The following CPNE4 variants were observed in gnomAD, a reference collection of about 807,000 sequenced individuals.
The protein encoded by CPNE4 is copine-4.
In CPNE4, 25 loss-of-function variants were observed where a neutral mutation model predicts 67.9. That is an observed-to-expected ratio of 0.37 (90% CI 0.27 to 0.51). The LOEUF is 0.51. Among genes scored for constraint, CPNE4 ranks in the 20% least tolerant of loss-of-function variants. The pLI is 0.93. For synonymous variants in CPNE4, 242 were observed against 244.9 expected, an observed-to-expected ratio of 0.99 and a Z score of 0.11; for missense variants, 464 against 690.8, an observed-to-expected ratio of 0.67 and a Z score of 3.68.
intron 7 of CPNE4, among the ~76,000 whole-genome samples, chr3:131,654,414 G>A (rs1028240083): frequency 6.6e-6 from 1 of 151,878 alleles, no homozygotes; most frequent in African/African-American, 2.4e-5. Context: ...CTACCCTCAG[G>A]TAGGCCCCAG....
chr3:131,935,748 C>A (rs1474907594), intron 1 of CPNE4, among the ~76,000 whole-genome samples: 1 of 151,848 alleles, frequency 6.6e-6, no homozygotes, highest in Non-Finnish European at 1.5e-5. Flanking sequence ...AAAGGGATAT[C>A]TTAGGAGTTC....
At chr3:131,595,371 G>T (rs764469654) in intron 7 of CPNE4, among the ~76,000 whole-genome samples, 58 of 152,150 alleles carry the variant, frequency 3.8e-4, no homozygotes, top group Non-Finnish European at 7.4e-5. Context: ...TACATACAAT[G>T]AAATATTATT....
At position 131,863,786 on chromosome 3, in the gene CPNE4, T is replaced by C. The variant is rs561335780; in HGVS notation, c.180+41478A>G. The stretch of plus-strand genomic sequence containing the variant: ...TAGACATGAAGTCCTTGCCCATGCC[T>C]ATGTCCTGAATGGTATTGCCTAAGT... On this transcript the variant is annotated intron_variant, in intron 2 of 15. Coordinates refer to ENST00000429747, the MANE Select transcript of CPNE4 (RefSeq NM_130808.3). Among the ~76,000 whole-genome samples the C allele has an allele frequency of 1.2e-3, 186 of 152,380 alleles. 1 individual carries two copies. The highest frequency in any genetic ancestry group is 2.4e-3 in the Non-Finnish European group (163 of 68,034).
At chr3:131,626,015 G>A (rs879362828) in intron 7 of CPNE4, among the ~76,000 whole-genome samples, 12 of 152,072 alleles carry the variant, frequency 7.9e-5, no homozygotes, top group Non-Finnish European at 1.5e-5. Flanking sequence ...TTGTTTTGAG[G>A]TGCCACAAAC....
At position 131,699,983 on chromosome 3, in the gene CPNE4, GC is replaced by G. The variant is rs752914638; in HGVS notation, c.361-4del. 1 of 1,573,826 alleles carries G rather than the reference GC, an allele frequency of 6.4e-7. No individual in the cohort carries two copies. The highest frequency in any genetic ancestry group is 1.4e-5 in the African/African-American group (1 of 72,358). ...GACAGCTTTCTCTGGGAAACAATCT[GC>G]AAAAAAGGAAACAAAAGGTAACAAA... On this transcript the variant is annotated splice_region_variant and splice_polypyrimidine_tract_variant and intron_variant, in intron 3 of 15. Coordinates refer to ENST00000429747, the MANE Select transcript of CPNE4 (RefSeq NM_130808.3).
At chr3:131,542,843 G>T in intron 14 of CPNE4, 50 bp from the exon 15 acceptor site, 1 of 1,323,226 alleles carries the variant, frequency 7.6e-7, no homozygotes, top group Non-Finnish European at 1.1e-6. Context: ...AGGTGAGGGA[G>T]ACAAGGACAA....
In CPNE4 at chr3:132,005,338, TATATACACACACAC is replaced by T. The variant is rs1488737057; in HGVS notation, c.-2+29215_-2+29228del. 1.0e-3 allele frequency among the ~76,000 whole-genome samples: 31 copies of T among 29,678 alleles called. 1 individual carries two copies. The highest frequency in any genetic ancestry group is 0.019 in the Middle Eastern group (1 of 52). 19.5% of individuals were successfully genotyped at this position (29,678 alleles called of 152,430 possible). A position where few individuals can be genotyped will look rare whatever the true frequency, so the allele number is the denominator to read the frequency against. ...ACATATATATATATATATATATATA[TATATACACACACAC>T]ACACACACACACACACACACATATA... On this transcript the variant is annotated intron_variant, in intron 1 of 15. Transcript: ENST00000429747.
chr3:132,002,704 A>C (rs1470620229), intron 1 of CPNE4, among the ~76,000 whole-genome samples: 1 of 150,472 alleles, frequency 6.6e-6, no homozygotes, highest in Non-Finnish European at 1.5e-5. Flanking sequence ...CTTGGTATAA[A>C]AAGCAAAAAC....
At position 131,867,486 on chromosome 3, in the gene CPNE4, T is replaced by A. The variant is rs545220493; in HGVS notation, c.180+37778A>T. Among the ~76,000 whole-genome samples, 6 of 151,512 alleles carry A rather than the reference T, an allele frequency of 4.0e-5. No individual in the cohort carries two copies. The East Asian group carries it at 1.2e-3, about 29-fold the overall frequency. On this transcript the variant is annotated intron_variant, in intron 2 of 15. Transcript: ENST00000429747. ...ACAGAGGCAATGTTGAATGAGCCACTGTGAATTTTAACTCCAGTCCTGAAG... is the reference window on the plus strand; with the variant it reads ...ACAGAGGCAATGTTGAATGAGCCACAGTGAATTTTAACTCCAGTCCTGAAG...
chr3:131,720,237 G>A (rs548833312), intron 3 of CPNE4, among the ~76,000 whole-genome samples: 1 of 150,424 alleles, frequency 6.6e-6, no homozygotes, highest in Admixed American at 6.6e-5. Context: ...GGCCAGAAAT[G>A]TTGGAGGACT....
At chr3:131,932,466 A>G (rs1194984982) in intron 1 of CPNE4, among the ~76,000 whole-genome samples, 2 of 152,114 alleles carry the variant, frequency 1.3e-5, no homozygotes, top group African/African-American at 4.8e-5. Context: ...TATGGAAGAG[A>G]CAGATGTTAA....
intron 2 of CPNE4, among the ~76,000 whole-genome samples, chr3:131,883,530 G>A (rs2087760452): frequency 6.6e-6 from 1 of 152,138 alleles, no homozygotes; most frequent in African/African-American, 2.4e-5. Flanking sequence ...TCTATCACAA[G>A]CAGTTGTACT....
intron 7 of CPNE4, among the ~76,000 whole-genome samples, chr3:131,602,391 A>G (rs780497765): frequency 9.2e-5 from 14 of 152,162 alleles, no homozygotes; most frequent in Non-Finnish European, 1.9e-4. Flanking sequence ...AAATGTTACT[A>G]CACTCACAAA....
chr3:131,978,184 T>TA (rs1329218261), intron 1 of CPNE4, among the ~76,000 whole-genome samples: 1 of 60,236 alleles, frequency 1.7e-5, no homozygotes, highest in Admixed American at 3.2e-4. Flanking sequence ...TAAATATATA[T>TA]AATATATTTA....
intron 2 of CPNE4, among the ~76,000 whole-genome samples, chr3:131,799,923 G>GTGTGTGT (rs2084038172): frequency 8.9e-5 from 4 of 44,868 alleles, no homozygotes; most frequent in Non-Finnish European, 2.4e-4. Context: ...TGTGTGTTGT[G>GTGTGTGT]TGTGTGTGTG....
At position 131,596,652 on chromosome 3, in the gene CPNE4, A is replaced by AT. The variant is rs1938890852; in HGVS notation, c.682-9071dup. Among the ~76,000 whole-genome samples the AT allele has an allele frequency of 2.7e-5, 4 of 147,162 alleles. 1 individual carries two copies. The South Asian group carries it at 8.5e-4, about 31-fold the overall frequency. ...AAAAAAAAAAAAAAAAAAAAAAAAAATTAAGTAAAGCAAATTTTTTTCAAT... is the reference window on the plus strand; with the variant it reads ...AAAAAAAAAAAAAAAAAAAAAAAAAATTTAAGTAAAGCAAATTTTTTTCAAT... On this transcript the variant is annotated intron_variant, in intron 7 of 15. Coordinates refer to ENST00000429747, the MANE Select transcript of CPNE4 (RefSeq NM_130808.3).
chr3:131,920,946 A>C (rs1389760598), intron 1 of CPNE4, among the ~76,000 whole-genome samples: 2 of 152,190 alleles, frequency 1.3e-5, no homozygotes, highest in African/African-American at 4.8e-5. Flanking sequence ...GCTGAAGCTA[A>C]AGAAGATGTC....
chr3:131,804,060 A>G (rs925766434), intron 2 of CPNE4, among the ~76,000 whole-genome samples: 5 of 152,162 alleles, frequency 3.3e-5, no homozygotes, highest in African/African-American at 1.2e-4. Flanking sequence ...CTCCCTCTCT[A>G]ATACACACAA....
chr3:131,614,559 A>T (rs1012915044), intron 7 of CPNE4, among the ~76,000 whole-genome samples: 1 of 152,192 alleles, frequency 6.6e-6, no homozygotes, highest in Non-Finnish European at 1.5e-5. Context: ...GACAATATAG[A>T]CCATTTCCTG....
Sources: allele counts gnomAD v4.1 joint callset (sites outside exome capture counted in the v4.1 genomes callset), GRCh38; gene constraint gnomAD v4.1.1; transcripts MANE v1.5; gene names NCBI Gene and HGNC (gene_info 2026-07-23, HGNC 2026-07-21).